Variants in ITGBL1 observed in about 807,000 individuals in gnomAD.
ITGBL1 encodes the protein integrin beta-like protein 1.
A neutral mutation model predicts 68.5 loss-of-function variants in ITGBL1; 51 were observed. That is an observed-to-expected ratio of 0.74 (90% confidence interval 0.59 to 0.94). ITGBL1 has a LOEUF of 0.94. ITGBL1 is among the 40% of genes least tolerant of loss of function. The pLI is 0.00. For missense variants in ITGBL1, 649 were observed against 647.4 expected, an observed-to-expected ratio of 1.00 and a Z score of -0.03; for synonymous variants, 209 against 227.3, an observed-to-expected ratio of 0.92 and a Z score of 0.72.
intron 2 of ITGBL1, among the ~76,000 whole-genome samples, chr13:101,517,894 T>G (rs1186083747): frequency 6.6e-6 from 1 of 152,200 alleles, no homozygotes; most frequent in Non-Finnish European, 1.5e-5. Context: ...CACCAAGGCA[T>G]CTGTCCACAG....
intron 7 of ITGBL1, among the ~76,000 whole-genome samples, chr13:101,675,049 AG>A (rs1378443397): frequency 2.0e-5 from 3 of 152,130 alleles, no homozygotes; most frequent in Non-Finnish European, 4.4e-5. Flanking sequence ...TTCAAATGAA[AG>A]GATATTTTTG....
At chr13:101,489,205 C>G (rs962328108) in intron 2 of ITGBL1, among the ~76,000 whole-genome samples, 2 of 152,088 alleles carry the variant, frequency 1.3e-5, no homozygotes, top group East Asian at 3.9e-4. Context: ...AGAAAGGTTA[C>G]CGAAATTGTA....
intron 2 of ITGBL1, among the ~76,000 whole-genome samples, chr13:101,468,286 G>A (rs1030981327): frequency 2.0e-5 from 3 of 152,110 alleles, no homozygotes; most frequent in African/African-American, 7.2e-5. Context: ...CTATGTGCTC[G>A]AGAGACTTCT....
At chr13:101,504,167 G>T (rs1035530649) in intron 2 of ITGBL1, among the ~76,000 whole-genome samples, 1 of 152,078 alleles carries the variant, frequency 6.6e-6, no homozygotes, top group Non-Finnish European at 1.5e-5. Context: ...TTCCAGGAGG[G>T]CTGTCAAAGG....
chr13:101,650,706 G>A (rs2032720479), intron 7 of ITGBL1, among the ~76,000 whole-genome samples: 2 of 151,266 alleles, frequency 1.3e-5, no homozygotes, highest in Admixed American at 6.6e-5. Context: ...CATGTGCCAT[G>A]GTGGTTTGCT....
At chr13:101,464,849 G>A (rs1323455440) in intron 2 of ITGBL1, among the ~76,000 whole-genome samples, 1 of 152,126 alleles carries the variant, frequency 6.6e-6, no homozygotes. Context: ...TTTTCTGGTA[G>A]ACCACTACCT....
At chr13:101,537,952 A>G (rs2049608587) in intron 2 of ITGBL1, among the ~76,000 whole-genome samples, 1 of 152,098 alleles carries the variant, frequency 6.6e-6, no homozygotes. Context: ...TACATAGATT[A>G]AAAACTATGT....
At chr13:101,531,374 A>G (rs2049472753) in intron 2 of ITGBL1, among the ~76,000 whole-genome samples, 1 of 152,144 alleles carries the variant, frequency 6.6e-6, no homozygotes, top group Non-Finnish European at 1.5e-5. Context: ...ATTAATATTC[A>G]TTCACTTATT....
chr13:101,519,092 C>T (rs2049242040), intron 2 of ITGBL1, among the ~76,000 whole-genome samples: 1 of 152,062 alleles, frequency 6.6e-6, no homozygotes, highest in Non-Finnish European at 1.5e-5. Flanking sequence ...CAGTGGTACG[C>T]ATTAAAAATA....
intron 2 of ITGBL1, among the ~76,000 whole-genome samples, chr13:101,481,222 G>C (rs1488211877): frequency 6.6e-6 from 1 of 151,542 alleles, no homozygotes; most frequent in Admixed American, 6.6e-5. Context: ...GCCCTTGGCA[G>C]GCAATGTGAG....
At chr13:101,527,559 T>C (rs1271419745) in intron 2 of ITGBL1, among the ~76,000 whole-genome samples, 1 of 152,036 alleles carries the variant, frequency 6.6e-6, no homozygotes, top group East Asian at 1.9e-4. Context: ...AGGCATGTGT[T>C]TTGTTTCTCT....
chr13:101,691,151 G>A (rs927987025), intron 7 of ITGBL1, among the ~76,000 whole-genome samples: 2 of 152,134 alleles, frequency 1.3e-5, no homozygotes, highest in African/African-American at 4.8e-5. Flanking sequence ...GACCAAGGGT[G>A]TCTGATGTGT....
At chr13:101,590,958 C>T (rs552739909) in intron 6 of ITGBL1, among the ~76,000 whole-genome samples, 49 of 152,036 alleles carry the variant, frequency 3.2e-4, no homozygotes, top group African/African-American at 1.0e-3. Flanking sequence ...GGCTGGCGTG[C>T]AGTGGCACAG....
chr13:101,458,632 G>A (rs1047677700), intron 2 of ITGBL1, among the ~76,000 whole-genome samples: 1 of 149,706 alleles, frequency 6.7e-6, no homozygotes, highest in African/African-American at 2.6e-5. Context: ...TACCAAGGAT[G>A]TTCCAGTCTC....
At chr13:101,622,011 A>G (rs992395153) in intron 7 of ITGBL1, among the ~76,000 whole-genome samples, 1 of 152,160 alleles carries the variant, frequency 6.6e-6, no homozygotes, top group African/African-American at 2.4e-5. Context: ...TAATACATTT[A>G]AGATAGTGGA....
intron 7 of ITGBL1, among the ~76,000 whole-genome samples, chr13:101,602,639 A>G (rs1356850381): frequency 6.6e-6 from 1 of 151,998 alleles, no homozygotes; most frequent in African/African-American, 2.4e-5. Context: ...TGATATATTA[A>G]CATAATTATG....
At chr13:101,564,206 A>G (rs979881601) in intron 2 of ITGBL1, among the ~76,000 whole-genome samples, 23 of 152,094 alleles carry the variant, frequency 1.5e-4, no homozygotes, top group African/African-American at 5.3e-4. Context: ...TAAAAAGAAC[A>G]AAGTTGGAGT....
At chr13:101,623,727 T>G (rs181031549) in intron 7 of ITGBL1, among the ~76,000 whole-genome samples, 1 of 152,310 alleles carries the variant, frequency 6.6e-6, no homozygotes, top group East Asian at 1.9e-4. Flanking sequence ...AAAGGGAGAC[T>G]CATGATTTAA....
chr13:101,454,114 G>A lies in ITGBL1; in HGVS notation c.316+14G>A. 2.6e-6 allele frequency: 4 copies of A among 1,516,380 alleles called. No individual in the cohort carries two copies. The highest frequency in any genetic ancestry group is 2.0e-5 in the Admixed American group (1 of 49,074). 93.9% of individuals were successfully genotyped at this position (1,516,380 alleles called of 1,614,324 possible). A position where few individuals can be genotyped will look rare whatever the true frequency, so the allele number is the denominator to read the frequency against. ...GCACCTGTGCAGGTAAGAGGGCGGC[G>A]CTGTCTCCTCCCTCGGGAGGTCGAA... On this transcript the variant is annotated intron_variant, in intron 2 of 10. Transcript: ENST00000376180.
Sources: gnomAD v4.1 joint callset for allele counts (sites outside exome capture counted in the v4.1 genomes callset) on GRCh38, gnomAD v4.1.1 for gene constraint, MANE v1.5 for transcripts, NCBI Gene and HGNC (gene_info 2026-07-23, HGNC 2026-07-21) for gene names.